Variants in CLPB observed in about 807,000 individuals in gnomAD.
CLPB encodes the protein ClpB family mitochondrial disaggregase, also known as mitochondrial disaggregase.
A neutral mutation model predicts 78.4 loss-of-function variants in CLPB; 40 were observed. The observed-to-expected ratio is 0.51, with a 90% CI of 0.40 to 0.66. The LOEUF is 0.66. CLPB is among the 30% of genes least tolerant of loss of function. CLPB has a pLI of 0.00. For missense variants in CLPB, 780 were observed against 886.9 expected, an observed-to-expected ratio of 0.88 and a Z score of 1.53; for synonymous variants, 333 against 348.0, an observed-to-expected ratio of 0.96 and a Z score of 0.48.
intron 3 of CLPB, among the ~76,000 whole-genome samples, chr11:72,381,766 G>A (rs1590873222): frequency 6.6e-6 from 1 of 151,844 alleles, no homozygotes; most frequent in South Asian, 2.1e-4. Context: ...AGAGCTTTAG[G>A]CCTGCCCTAG....
At chr11:72,404,195 C>T (rs2135087076) in intron 2 of CLPB, among the ~76,000 whole-genome samples, 2 of 152,308 alleles carry the variant, frequency 1.3e-5, no homozygotes, top group Admixed American at 1.3e-4. Flanking sequence ...ATGACATGCA[C>T]TTGGTCCCCT....
chr11:72,387,119 A>C (rs1855100906), intron 3 of CLPB, among the ~76,000 whole-genome samples: 1 of 152,244 alleles, frequency 6.6e-6, no homozygotes, highest in Non-Finnish European at 1.5e-5. Context: ...CCCATTAATT[A>C]TATATAATTA....
chr11:72,295,053 CT>C (rs984273845), intron 12 of CLPB, among the ~76,000 whole-genome samples: 12 of 152,198 alleles, frequency 7.9e-5, no homozygotes, highest in Admixed American at 2.6e-4. Context: ...GGATGTGCTC[CT>C]TTTTTTCAGC....
At chr11:72,314,074 T>C (rs1347618982) in intron 7 of CLPB, among the ~76,000 whole-genome samples, 2 of 152,180 alleles carry the variant, frequency 1.3e-5, no homozygotes, top group Admixed American at 6.5e-5. Context: ...GGGAAGATTA[T>C]GTTTTTGGGC....
At chr11:72,350,905 T>C (rs1013350741) in intron 5 of CLPB, among the ~76,000 whole-genome samples, 3 of 152,242 alleles carry the variant, frequency 2.0e-5, no homozygotes, top group Admixed American at 2.0e-4. Flanking sequence ...GTTTCTCGTA[T>C]ACTTAGAGAG....
chr11:72,298,103 T>C (rs1949589196), intron 11 of CLPB, among the ~76,000 whole-genome samples: 1 of 152,098 alleles, frequency 6.6e-6, no homozygotes, highest in African/African-American at 2.4e-5. Flanking sequence ...GACTCCTTGG[T>C]GGGAGGAGTG....
At chr11:72,362,229 G>A (rs1286958864) in intron 4 of CLPB, among the ~76,000 whole-genome samples, 3 of 152,142 alleles carry the variant, frequency 2.0e-5, no homozygotes, top group African/African-American at 7.2e-5. Context: ...TTCCTCCTAC[G>A]TTTGAGGTAG....
At chr11:72,403,777 T>C (rs1388212021) in intron 2 of CLPB, among the ~76,000 whole-genome samples, 1 of 152,162 alleles carries the variant, frequency 6.6e-6, no homozygotes, top group Non-Finnish European at 1.5e-5. Flanking sequence ...TCAATAATTA[T>C]TAAATAAATT....
At chr11:72,323,961 C>G (rs1950088601) in intron 6 of CLPB, among the ~76,000 whole-genome samples, 1 of 151,384 alleles carries the variant, frequency 6.6e-6, no homozygotes, top group Non-Finnish European at 1.5e-5. Context: ...ATATATATAT[C>G]CTTATATGTA....
rs1565413667 is a variant in CLPB, at chr11:72,286,231, T to TTTTTTTTTTTTTTTTG, written c.*7135_*7136insCAAAAAAAAAAAAAAA. 8.9e-5 allele frequency: 12 copies of TTTTTTTTTTTTTTTTG among 134,202 alleles called. No homozygotes were observed. In the East Asian group the frequency reaches 1.7e-3, roughly 19 times the overall value. 8.3% of individuals were successfully genotyped at this position (134,202 alleles called of 1,614,324 possible). On this transcript the variant is annotated 3_prime_UTR_variant, in exon 16 of 16. Transcript: ENST00000538039. ...TGTGAGATACTGCACCTGTTTTTTT[T>TTTTTTTTTTTTTTTTG]TTTTTTTTTTTTTTTAAGAGATAGG...
chr11:72,337,791 C>G (rs1950348436), intron 5 of CLPB, among the ~76,000 whole-genome samples: 1 of 152,130 alleles, frequency 6.6e-6, no homozygotes, highest in African/African-American at 2.4e-5. Context: ...TTCCAGTGTG[C>G]TCAGATGCTC....
intron 6 of CLPB, among the ~76,000 whole-genome samples, chr11:72,318,451 G>C (rs1024037733): frequency 6.6e-6 from 1 of 152,160 alleles, no homozygotes; most frequent in African/African-American, 2.4e-5. Context: ...GGGAACTGGA[G>C]GGGAAGGAAG....
intron 2 of CLPB, among the ~76,000 whole-genome samples, chr11:72,408,445 A>T (rs1003472114): frequency 6.6e-6 from 1 of 152,130 alleles, no homozygotes; most frequent in African/African-American, 2.4e-5. Flanking sequence ...AGGTGAGTGG[A>T]TCATGAGGTC....
chr11:72,344,413 T>C (rs1565450563), intron 5 of CLPB, among the ~76,000 whole-genome samples: 1 of 151,730 alleles, frequency 6.6e-6, no homozygotes, highest in Non-Finnish European at 1.5e-5. Context: ...GGTTTTGCCA[T>C]GTTGTCTAGG....
At chr11:72,400,617 T>C (rs983247075) in intron 3 of CLPB, among the ~76,000 whole-genome samples, 3 of 152,238 alleles carry the variant, frequency 2.0e-5, no homozygotes, top group African/African-American at 7.2e-5. Flanking sequence ...TTAGCACCAC[T>C]GGCTATTTCT....
chr11:72,398,096 A>C (rs1298754654), intron 3 of CLPB, among the ~76,000 whole-genome samples: 1 of 152,174 alleles, frequency 6.6e-6, no homozygotes, highest in Non-Finnish European at 1.5e-5. Flanking sequence ...GGTCCACCAG[A>C]CTTCTGGAAT....
At chr11:72,307,368 G>T (rs1461296320) in intron 8 of CLPB, 114 bp from the exon 9 acceptor site, 1 of 898,980 alleles carries the variant, frequency 1.1e-6, no homozygotes, top group Admixed American at 2.0e-5. Context: ...GGATGAGAAT[G>T]TTGAGGCGCA....
intron 2 of CLPB, among the ~76,000 whole-genome samples, chr11:72,408,749 C>T (rs891229742): frequency 3.3e-5 from 5 of 152,088 alleles, no homozygotes. Context: ...GGGTAGGCCC[C>T]TCCCCTGCCT....
intron 5 of CLPB, among the ~76,000 whole-genome samples, chr11:72,341,109 C>T (rs901115324): frequency 2.6e-5 from 4 of 152,172 alleles, no homozygotes; most frequent in Non-Finnish European, 1.5e-5. Context: ...CGTGAGCCAC[C>T]GCGCCTGGCA....
Sources: gnomAD v4.1 joint callset for allele counts (sites outside exome capture counted in the v4.1 genomes callset) on GRCh38, gnomAD v4.1.1 for gene constraint, MANE v1.5 for transcripts, NCBI Gene and HGNC (gene_info 2026-07-23, HGNC 2026-07-21) for gene names.